SUPT20H: variants seen among roughly 807,000 people sequenced by gnomAD.
SUPT20H encodes transcription factor SPT20 homolog.
Under a neutral mutation model 122.8 loss-of-function variants are expected in SUPT20H, and 82 were observed. That is an observed-to-expected ratio of 0.67 (90% CI 0.56 to 0.80). The LOEUF is 0.80. Ranked by LOEUF, SUPT20H falls within the 30% of genes least tolerant of loss-of-function variation. The pLI is 0.00. For synonymous variants in SUPT20H, 291 were observed against 313.0 expected (o/e 0.93, Z 0.74); for missense variants, 831 against 921.6 (o/e 0.90, Z 1.27).
In SUPT20H at chr13:37,009,631, CTCT is replaced by C; in HGVS notation, c.*38_*40del. The C allele has an allele frequency of 6.2e-7, 1 of 1,610,648 alleles. No homozygotes were observed. The highest frequency in any genetic ancestry group is 8.5e-7 in the Non-Finnish European group (1 of 1,177,468). ...GAAACTCAATTCTTTTGATTCAGTGCTCTTGTGTTTTTAAAAAAGGAACAAAAA... is the reference window on the plus strand; with the variant it reads ...GAAACTCAATTCTTTTGATTCAGTGCTGTGTTTTTAAAAAAGGAACAAAAA... On this transcript the variant is annotated 3_prime_UTR_variant, in exon 26 of 26. Transcript: ENST00000350612.
At chr13:37,013,571 C>G (rs1411346962) in intron 23 of SUPT20H, 1 of 151,662 alleles carries the variant, frequency 6.6e-6, no homozygotes, top group East Asian at 1.9e-4. Context: ...GGACCTAGAG[C>G]TAGGTAAAGA....
At position 37,054,655 on chromosome 13, in the gene SUPT20H, A is replaced by G. The variant is rs1474208289; in HGVS notation, c.-93-3072T>C. Among the ~76,000 whole-genome samples, 5 of 152,318 alleles carry G rather than the reference A, an allele frequency of 3.3e-5. No homozygotes were observed. The South Asian group carries it at 8.3e-4, about 25-fold the overall frequency. On this transcript the variant is annotated intron_variant, in intron 1 of 25. Transcript: ENST00000350612. Reference sequence around the variant, plus strand: ...GCTATTTATGACAAACCCACAGCCAATATCATACTGAATGGGCAAAAACTG... The same window carrying G: ...GCTATTTATGACAAACCCACAGCCAGTATCATACTGAATGGGCAAAAACTG...
intron 5 of SUPT20H, 61 bp from the exon 6 acceptor site, chr13:37,045,434 T>C (rs2066249695): frequency 3.8e-6 from 6 of 1,579,012 alleles, no homozygotes; most frequent in African/African-American, 2.7e-5. Context: ...CAAATAATGC[T>C]ATGATTTAAC....
chr13:37,031,978 A>G lies in SUPT20H; in HGVS notation c.708-83T>C, dbSNP rs531266174. ...GTGAGTTGAAACTAGTCAGTGCTGAATATGTACAAATCGTGTTTATAGAAC... is the reference window on the plus strand; with the variant it reads ...GTGAGTTGAAACTAGTCAGTGCTGAGTATGTACAAATCGTGTTTATAGAAC... On this transcript the variant is annotated intron_variant, in intron 10 of 25. Transcript: ENST00000350612. 162 of 1,248,412 alleles carry G rather than the reference A, an allele frequency of 1.3e-4. 1 individual carries two copies. The highest frequency in any genetic ancestry group is 1.7e-4 in the Non-Finnish European group (155 of 914,788). 77.3% of individuals were successfully genotyped at this position (1,248,412 alleles called of 1,614,324 possible).
chr13:37,044,088 T>C lies in SUPT20H; in HGVS notation c.386A>G (p.Glu129Gly), dbSNP rs1377259417. Residue 129 changes from glutamate to glycine, a missense_variant, in exon 7 of 26, where the codon GAA becomes GGA. Glu to Gly is a moderately conservative substitution (Grantham distance 98, BLOSUM62 -2). Transcript: ENST00000350612. The part of the protein sequence containing the change: ...ELPPILVDLL[E>G]KSQVNIFHCG... ...ACAAAAATTTTGTACCTGAGATTTT[T>C]CTAGGAGATCAACCAAAATAGGAGG... is the stretch of plus-strand genomic sequence containing the variant. 1.2e-6 allele frequency: 2 copies of C among 1,611,076 alleles called. No homozygotes were observed. Among genetic ancestry groups the C allele is most frequent in the African/African-American group, 2.7e-5 (2 of 74,738 alleles).
intron 12 of SUPT20H, among the ~76,000 whole-genome samples, chr13:37,030,668 T>C (rs529896240): frequency 5.3e-4 from 80 of 152,254 alleles, no homozygotes; most frequent in African/African-American, 1.8e-3. Flanking sequence ...CAACCTACAA[T>C]TTAACAAGCT....
At chr13:37,032,282 G>A (rs987309159) in intron 10 of SUPT20H, among the ~76,000 whole-genome samples, 1 of 152,074 alleles carries the variant, frequency 6.6e-6, no homozygotes, top group African/African-American at 2.4e-5. Flanking sequence ...TGTGAGCTGA[G>A]ATAGGAATGA....
At chr13:37,033,186 A>T (rs1375689329) in intron 10 of SUPT20H, among the ~76,000 whole-genome samples, 1 of 151,506 alleles carries the variant, frequency 6.6e-6, no homozygotes, top group African/African-American at 2.4e-5. Flanking sequence ...GACCATTAAG[A>T]ATCCTATTTT....
chr13:37,015,885 C>A (rs542798202), intron 23 of SUPT20H, among the ~76,000 whole-genome samples: 33 of 152,096 alleles, frequency 2.2e-4, no homozygotes, highest in Non-Finnish European at 4.4e-4. Context: ...ATGAATGACC[C>A]TTGAAGACTT....
At chr13:37,030,211 T>C (rs545562005) in intron 12 of SUPT20H, among the ~76,000 whole-genome samples, 5 of 152,184 alleles carry the variant, frequency 3.3e-5, no homozygotes, top group Non-Finnish European at 5.9e-5. Flanking sequence ...AGGCTTTTCT[T>C]GAAATAAAAG....
intron 9 of SUPT20H, 158 bp downstream of exon 9, chr13:37,040,247 C>T: frequency 1.5e-6 from 1 of 650,986 alleles, no homozygotes; most frequent in Non-Finnish European, 2.5e-6. Context: ...ATAAAGAGAC[C>T]CTTAACTTCT....
In SUPT20H at chr13:37,009,490, C is replaced by G; in HGVS notation, c.*182G>C. The G allele has an allele frequency of 5.8e-6, 5 of 860,808 alleles. No individual in the cohort carries two copies. Among genetic ancestry groups the G allele is most frequent in the Non-Finnish European group, 9.0e-6 (5 of 555,608 alleles). The allele number at this position is 860,808 out of a possible 1,614,324, so 53.3% of individuals were successfully genotyped here. ...AAGCAATGACTTAGGCAAACCAACCCTAGTTTGTTAAACCATTTCCCTGTT... is the reference window on the plus strand; with the variant it reads ...AAGCAATGACTTAGGCAAACCAACCGTAGTTTGTTAAACCATTTCCCTGTT... On this transcript the variant is annotated 3_prime_UTR_variant, in exon 26 of 26. Coordinates refer to ENST00000350612, the MANE Select transcript of SUPT20H (RefSeq NM_001014286.3).
chr13:37,025,460 G>A (rs753766063), intron 16 of SUPT20H, 23 bp from the exon 17 acceptor site: 29 of 1,535,538 alleles, frequency 1.9e-5, no homozygotes, highest in Non-Finnish European at 2.2e-5. Flanking sequence ...GAGAAAACAG[G>A]TAAAGATTAG....
intron 12 of SUPT20H, among the ~76,000 whole-genome samples, chr13:37,030,790 C>T (rs1382526555): frequency 6.6e-6 from 1 of 152,190 alleles, no homozygotes; most frequent in African/African-American, 2.4e-5. Context: ...AGGCCATGTT[C>T]CTTGAAGAAC....
chr13:37,015,686 C>A (rs1222572612), intron 23 of SUPT20H, among the ~76,000 whole-genome samples: 2 of 151,996 alleles, frequency 1.3e-5, no homozygotes, highest in African/African-American at 4.8e-5. Context: ...GGGTATATAT[C>A]CAGAAGAGTT....
chr13:37,030,793 T>C (rs2063160415), intron 12 of SUPT20H, among the ~76,000 whole-genome samples: 1 of 152,220 alleles, frequency 6.6e-6, no homozygotes. Flanking sequence ...CCATGTTCCT[T>C]GAAGAACTGC....
At position 37,051,519 on chromosome 13, in the gene SUPT20H, G is replaced by C; in HGVS notation, c.-29C>G. ...GGCATAAAATAAGGGTCCAAAAGAAGAGATAACTTATGTACGCTGATGAAG... is the reference window on the plus strand; with the variant it reads ...GGCATAAAATAAGGGTCCAAAAGAACAGATAACTTATGTACGCTGATGAAG... On this transcript the variant is annotated 5_prime_UTR_variant, in exon 2 of 26. Transcript: ENST00000350612. 2 of 1,610,894 alleles carry C rather than the reference G, an allele frequency of 1.2e-6. No individual in the cohort carries two copies. The highest frequency in any genetic ancestry group is 1.7e-6 in the Non-Finnish European group (2 of 1,177,836).
chr13:37,039,633 G>C (rs1016572787), intron 9 of SUPT20H: 9 of 151,996 alleles, frequency 5.9e-5, no homozygotes, highest in Non-Finnish European at 1.3e-4. Context: ...TTTTGTAAGA[G>C]TTTTGATGGG....
At chr13:37,051,085 G>A (rs374279034) in intron 2 of SUPT20H, among the ~76,000 whole-genome samples, 1 of 152,140 alleles carries the variant, frequency 6.6e-6, no homozygotes, top group Non-Finnish European at 1.5e-5. Context: ...CCTGAAATAC[G>A]TTATATGCAG....
Sources: gnomAD v4.1 joint callset for allele counts (sites outside exome capture counted in the v4.1 genomes callset) on GRCh38, gnomAD v4.1.1 for gene constraint, MANE v1.5 for transcripts, NCBI Gene and HGNC (gene_info 2026-07-23, HGNC 2026-07-21) for gene names.